The following SOS2 variants were observed in gnomAD, a reference collection of about 807,000 sequenced individuals.
SOS2 encodes the protein SOS Ras/Rho guanine nucleotide exchange factor 2.
In SOS2, 65 loss-of-function variants were observed where a neutral mutation model predicts 148.2. The ratio of observed to expected loss-of-function variants is 0.44; its 90% confidence interval spans 0.36 to 0.54. The LOEUF (loss-of-function observed/expected upper bound fraction) is 0.54, where lower values mean the gene tolerates loss of function less well. Ranked by LOEUF, SOS2 falls within the 20% of genes least tolerant of loss-of-function variation. The pLI, the probability that SOS2 is intolerant of heterozygous loss-of-function variation, is 0.00. For synonymous variants in SOS2, 539 were observed against 537.1 expected (o/e 1.00, Z -0.05); for missense variants, 1,341 against 1,590.2 (o/e 0.84, Z 2.67).
intron 21 of SOS2, among the ~76,000 whole-genome samples, chr14:50,124,471 C>T (rs554591582): frequency 6.6e-6 from 1 of 152,292 alleles, no homozygotes; most frequent in Non-Finnish European, 1.5e-5. Flanking sequence ...GTAACTGGTA[C>T]AAACTAAGTA....
chr14:50,140,702 T>A (rs74049162), intron 16 of SOS2, among the ~76,000 whole-genome samples: 1,676 of 151,892 alleles, frequency 0.011, 30 homozygotes, highest in African/African-American at 0.037. Context: ...CTAGCTAGCA[T>A]GGACAAGTAT....
chr14:50,224,293 G>GAAAAAAA lies in SOS2; in HGVS notation c.87+6897_87+6903dup, dbSNP rs112000335. On this transcript the variant is annotated intron_variant, in intron 1 of 22. Transcript: ENST00000216373. Reference sequence around the variant, plus strand: ...GTGACAGAGCAAGACTCCGTCTCAGGAAAAAAAAAAAATATATATATACAC... The same window carrying GAAAAAAA: ...GTGACAGAGCAAGACTCCGTCTCAGGAAAAAAAAAAAAAAAAAAATATATATATACAC... Among the ~76,000 whole-genome samples, 113 of 87,026 alleles carry GAAAAAAA rather than the reference G, an allele frequency of 1.3e-3. 1 individual carries two copies. The highest frequency in any genetic ancestry group is 6.8e-3 in the African/African-American group (102 of 15,032). 57.1% of individuals were successfully genotyped at this position (87,026 alleles called of 152,430 possible). A position where few individuals can be genotyped will look rare whatever the true frequency, so the allele number is the denominator to read the frequency against.
intron 14 of SOS2, among the ~76,000 whole-genome samples, chr14:50,148,181 G>A (rs948882963): frequency 6.6e-6 from 1 of 152,142 alleles, no homozygotes; most frequent in African/African-American, 2.4e-5. Flanking sequence ...GGAGGCTGAG[G>A]TGGGTGGATC....
rs769536087 is a variant in SOS2, at chr14:50,118,581, C to G, written c.3762G>C (p.Thr1254=). 14 of 1,613,992 alleles carry G rather than the reference C, an allele frequency of 8.7e-6. No individual in the cohort carries two copies. In the Admixed American group the frequency reaches 1.3e-4, roughly 15 times the overall value. ...GAGGAGTGCTTGGCGAATTTGGACA[C>G]GTACTAATGTCTCTGAGCCAGTCTG... ...RDSDWLRDIS[T]CPNSPSTPPS... The change falls in exon 23 of 23, where the codon ACG becomes ACC. Residue 1254 remains threonine (T), a synonymous_variant. Transcript: ENST00000216373.
At chr14:50,209,453 A>G (rs1886791144) in intron 1 of SOS2, among the ~76,000 whole-genome samples, 1 of 152,110 alleles carries the variant, frequency 6.6e-6, no homozygotes, top group Non-Finnish European at 1.5e-5. Flanking sequence ...CTTTCTATGT[A>G]CCAGCAACAA....
chr14:50,150,656 G>A (rs1884632705), intron 13 of SOS2, among the ~76,000 whole-genome samples: 2 of 151,810 alleles, frequency 1.3e-5, no homozygotes, highest in Non-Finnish European at 2.9e-5. Context: ...CCATGTTGCG[G>A]GCTCAAGTGA....
Position 50,145,217 on chromosome 14 carries a change from T to C in SOS2, c.2620A>G (p.Ser874Gly), listed in dbSNP as rs1884430651. The C allele has an allele frequency of 6.2e-7, 1 of 1,611,410 alleles. No homozygotes were observed. Among genetic ancestry groups the C allele is most frequent in the Admixed American group, 1.7e-5 (1 of 59,884 alleles). Residue 874 changes from serine (S) to glycine (G), a missense_variant, in exon 16 of 23, where the codon AGT (serine) becomes GGT (glycine). Around this residue, in one of 4 missense-constraint regions of SOS2, gnomAD observed 408 missense variants for 506.6 expected, o/e 0.81. Coordinates refer to ENST00000216373, the MANE Select transcript of SOS2 (RefSeq NM_006939.4). ...NNFNGVLEIVSAVNSVSVYRL... is the reference protein window; with the variant it reads ...NNFNGVLEIVGAVNSVSVYRL... Reference sequence around the variant, plus strand: ...TATACTGACACTGAATTTACTGCACTGACTATCTCCAATACGCCATTGAAA... The same window carrying C: ...TATACTGACACTGAATTTACTGCACCGACTATCTCCAATACGCCATTGAAA...
intron 1 of SOS2, among the ~76,000 whole-genome samples, chr14:50,227,310 TC>T (rs1325660561): frequency 3.7e-4 from 54 of 146,584 alleles, no homozygotes; most frequent in African/African-American, 1.3e-3. Flanking sequence ...AGTGGTGCGA[TC>T]TCAGCCCACT....
At chr14:50,198,899 C>T (rs914426385) in intron 4 of SOS2, among the ~76,000 whole-genome samples, 9 of 152,196 alleles carry the variant, frequency 5.9e-5, no homozygotes, top group Non-Finnish European at 1.3e-4. Context: ...TGGCTCATGC[C>T]TATAATCCCA....
At chr14:50,138,121 G>A (rs1884144028) in intron 18 of SOS2, among the ~76,000 whole-genome samples, 2 of 151,608 alleles carry the variant, frequency 1.3e-5, no homozygotes, top group South Asian at 2.1e-4. Flanking sequence ...GATTACAGGC[G>A]TGAGCCACCA....
intron 16 of SOS2, among the ~76,000 whole-genome samples, chr14:50,143,794 G>A (rs1401853162): frequency 1.3e-5 from 2 of 149,338 alleles, no homozygotes; most frequent in Non-Finnish European, 3.0e-5. Context: ...TTCTGCCCCC[G>A]CCAGAGGCAT....
At chr14:50,176,650 T>C (rs142795772) in intron 7 of SOS2, among the ~76,000 whole-genome samples, 3 of 152,376 alleles carry the variant, frequency 2.0e-5, no homozygotes, top group Non-Finnish European at 4.4e-5. Flanking sequence ...TATATTATGA[T>C]GATCACCATT....
intron 17 of SOS2, among the ~76,000 whole-genome samples, chr14:50,139,500 A>C (rs1367371859): frequency 6.6e-6 from 1 of 152,216 alleles, no homozygotes; most frequent in Non-Finnish European, 1.5e-5. Flanking sequence ...ACAAAGAATT[A>C]TTTGGCCCAA....
At chr14:50,149,101 T>C (rs1328662254) in intron 14 of SOS2, among the ~76,000 whole-genome samples, 1 of 152,194 alleles carries the variant, frequency 6.6e-6, no homozygotes, top group East Asian at 1.9e-4. Flanking sequence ...TTTGCCATGT[T>C]GCTCAGGCTG....
intron 8 of SOS2, among the ~76,000 whole-genome samples, chr14:50,166,430 T>C (rs1885168314): frequency 6.6e-6 from 1 of 152,158 alleles, no homozygotes; most frequent in South Asian, 2.1e-4. Context: ...GGTTTGGCCA[T>C]GTTGCCCAGG....
intron 9 of SOS2, among the ~76,000 whole-genome samples, chr14:50,160,585 C>G (rs868730119): frequency 6.6e-6 from 1 of 151,854 alleles, no homozygotes; most frequent in African/African-American, 2.4e-5. Flanking sequence ...TGGGGTTTCA[C>G]CATGTTGGCC....
At chr14:50,138,922 A>C (rs895575677) in intron 17 of SOS2, 138 bp from the exon 18 acceptor site, 2 of 378,232 alleles carry the variant, frequency 5.3e-6, no homozygotes, top group East Asian at 8.0e-5. Flanking sequence ...TAAAATGTTA[A>C]GTCTCTGATA....
chr14:50,192,164 A>C (rs1472914904), intron 4 of SOS2, among the ~76,000 whole-genome samples: 3 of 143,320 alleles, frequency 2.1e-5, no homozygotes, highest in African/African-American at 2.5e-5. Flanking sequence ...AAAAAAAAAA[A>C]AAAAAAAAAA....
intron 8 of SOS2, among the ~76,000 whole-genome samples, chr14:50,173,027 G>C (rs760127600): frequency 1.4e-4 from 22 of 152,020 alleles, no homozygotes; most frequent in South Asian, 4.2e-4. Context: ...TCTTTAACAG[G>C]GTCTTGCTAT....
Sources: allele counts gnomAD v4.1 joint callset (sites outside exome capture counted in the v4.1 genomes callset), GRCh38; gene constraint gnomAD v4.1.1; regional missense constraint gnomAD v4.1.1; transcripts MANE v1.5; gene names NCBI Gene and HGNC (gene_info 2026-07-23, HGNC 2026-07-21).